KCNIP4: variants seen among roughly 807,000 people sequenced by gnomAD.
The protein encoded by KCNIP4 is potassium voltage-gated channel interacting protein 4.
KCNIP4 carries 12 observed loss-of-function variants against 34.0 expected under a neutral mutation model. The observed-to-expected ratio is 0.35, with a 90% confidence interval of 0.23 to 0.57. The LOEUF (loss-of-function observed/expected upper bound fraction) is 0.57. Ranked by LOEUF, KCNIP4 falls within the 20% of genes least tolerant of loss-of-function variation. The pLI is 0.83. For synonymous variants in KCNIP4, 124 were observed against 102.2 expected, an observed-to-expected ratio of 1.21 and a Z score of -1.29; for missense variants, 238 against 311.7, an observed-to-expected ratio of 0.76 and a Z score of 1.78.
At chr4:21,803,124 T>C (rs1721100532) in intron 1 of KCNIP4, among the ~76,000 whole-genome samples, 1 of 152,302 alleles carries the variant, frequency 6.6e-6, no homozygotes, top group East Asian at 1.9e-4. Flanking sequence ...TTCCAGTATA[T>C]AGCAGGTTTT....
intron 1 of KCNIP4, among the ~76,000 whole-genome samples, chr4:21,539,788 G>A (rs893067256): frequency 6.6e-6 from 1 of 151,996 alleles, no homozygotes; most frequent in African/African-American, 2.4e-5. Context: ...AGACCAGCCT[G>A]GCCAACACAG....
chr4:21,605,028 T>C (rs1261075747), intron 1 of KCNIP4, among the ~76,000 whole-genome samples: 1 of 152,198 alleles, frequency 6.6e-6, no homozygotes, highest in Non-Finnish European at 1.5e-5. Flanking sequence ...GGGGTGTTTC[T>C]GGGAGTAAAA....
chr4:21,812,065 T>C (rs1721690367), intron 1 of KCNIP4, among the ~76,000 whole-genome samples: 1 of 152,230 alleles, frequency 6.6e-6, no homozygotes, highest in Admixed American at 6.5e-5. Context: ...GAAAAATGTC[T>C]CTAGGTATCC....
At chr4:21,206,977 C>T (rs1756894922) in intron 1 of KCNIP4, among the ~76,000 whole-genome samples, 1 of 152,130 alleles carries the variant, frequency 6.6e-6, no homozygotes, top group Non-Finnish European at 1.5e-5. Context: ...GCATGTATCT[C>T]CTAAAAATGT....
At chr4:20,940,333 A>G (rs879246186) in intron 1 of KCNIP4, among the ~76,000 whole-genome samples, 2 of 152,200 alleles carry the variant, frequency 1.3e-5, no homozygotes, top group African/African-American at 2.4e-5. Flanking sequence ...TGTCTCCTCA[A>G]CAGCCTTTGA....
At chr4:21,799,292 C>A (rs1379890933) in intron 1 of KCNIP4, among the ~76,000 whole-genome samples, 1 of 152,216 alleles carries the variant, frequency 6.6e-6, no homozygotes, top group Non-Finnish European at 1.5e-5. Context: ...ACTTATGTGG[C>A]TGAGGTCTAT....
At position 21,451,235 on chromosome 4, in the gene KCNIP4, C is replaced by T. The variant is rs78114591; in HGVS notation, c.61+497336G>A. Among the ~76,000 whole-genome samples, 32 of 152,202 alleles carry T rather than the reference C, an allele frequency of 2.1e-4. No homozygotes were observed. The East Asian group carries it at 4.2e-3, about 20-fold the overall frequency. ...ATTCCTGAGTAATGAGCAACGAGAT[C>T]TCTTTCCCATCTGGCATTTTGTGGC... On this transcript the variant is annotated intron_variant, in intron 1 of 8. Coordinates refer to ENST00000382152, the MANE Select transcript of KCNIP4 (RefSeq NM_025221.6).
intron 1 of KCNIP4, among the ~76,000 whole-genome samples, chr4:21,016,718 T>G (rs571208196): frequency 6.6e-6 from 1 of 152,244 alleles, no homozygotes; most frequent in East Asian, 1.9e-4. Context: ...GTTCAAGCAA[T>G]TCTCCTGCCT....
At chr4:20,760,249 C>T (rs1189933686) in intron 3 of KCNIP4, among the ~76,000 whole-genome samples, 1 of 152,142 alleles carries the variant, frequency 6.6e-6, no homozygotes, top group Non-Finnish European at 1.5e-5. Context: ...CGCCACCTAA[C>T]GTCCACCCAG....
intron 1 of KCNIP4, among the ~76,000 whole-genome samples, chr4:21,065,741 TATATATATATATATATATATATATA>T (rs1308176363): frequency 7.1e-6 from 1 of 141,072 alleles, no homozygotes; most frequent in South Asian, 2.2e-4. Context: ...TATATATATA[TATATATATATATATATATATATATA>T]ACTCAATTTT....
chr4:21,237,490 G>C (rs1759453811), intron 1 of KCNIP4, among the ~76,000 whole-genome samples: 1 of 151,778 alleles, frequency 6.6e-6, no homozygotes, highest in Admixed American at 6.6e-5. Flanking sequence ...GTAGCTGCCT[G>C]TTAAAGAAGA....
chr4:21,699,485 G>A (rs1253660205), intron 1 of KCNIP4, among the ~76,000 whole-genome samples: 1 of 152,184 alleles, frequency 6.6e-6, no homozygotes. Flanking sequence ...TGGCAGAATA[G>A]AAAGTGAGTA....
At chr4:21,884,365 T>G (rs1726639012) in intron 1 of KCNIP4, among the ~76,000 whole-genome samples, 1 of 151,944 alleles carries the variant, frequency 6.6e-6, no homozygotes, top group South Asian at 2.1e-4. Flanking sequence ...GAGGAGCACT[T>G]CCAGACAAGA....
chr4:21,354,994 T>TC (rs1718422531), intron 1 of KCNIP4, among the ~76,000 whole-genome samples: 1 of 152,092 alleles, frequency 6.6e-6, no homozygotes, highest in African/African-American at 2.4e-5. Flanking sequence ...ATTAAGAAAC[T>TC]CACTCAAAAT....
At chr4:21,339,702 T>G (rs1365976160) in intron 1 of KCNIP4, among the ~76,000 whole-genome samples, 1 of 152,090 alleles carries the variant, frequency 6.6e-6, no homozygotes, top group African/African-American at 2.4e-5. Flanking sequence ...ATTTCAAGCT[T>G]GGGTGAATTG....
intron 1 of KCNIP4, among the ~76,000 whole-genome samples, chr4:21,497,252 T>C (rs904848693): frequency 2.6e-5 from 4 of 152,152 alleles, no homozygotes; most frequent in Admixed American, 1.3e-4. Flanking sequence ...GGAAGATTGA[T>C]ATAGTGCACA....
At chr4:21,851,405 A>T (rs75486793) in intron 1 of KCNIP4, 1 of 152,306 alleles carries the variant, frequency 6.6e-6, no homozygotes, top group East Asian at 1.9e-4. Flanking sequence ...CTAGAGACTA[A>T]GAAGGGTTGG....
intron 3 of KCNIP4, among the ~76,000 whole-genome samples, chr4:20,764,684 A>G (rs1755236063): frequency 6.8e-6 from 1 of 147,614 alleles, no homozygotes; most frequent in Non-Finnish European, 1.5e-5. Context: ...GGAATTGGAC[A>G]CACACACACA....
chr4:21,152,315 G>T (rs1029657209), intron 1 of KCNIP4, among the ~76,000 whole-genome samples: 1 of 152,058 alleles, frequency 6.6e-6, no homozygotes, highest in Admixed American at 6.6e-5. Flanking sequence ...CTAACTTACT[G>T]TCTAATTTCT....
Sources: gnomAD v4.1 joint callset for allele counts (sites outside exome capture counted in the v4.1 genomes callset) on GRCh38, gnomAD v4.1.1 for gene constraint, MANE v1.5 for transcripts, NCBI Gene and HGNC (gene_info 2026-07-23, HGNC 2026-07-21) for gene names.